Variants in CPNE4 observed in about 807,000 individuals in gnomAD.
CPNE4 encodes the protein copine 4.
Under a neutral mutation model 67.9 loss-of-function variants are expected in CPNE4, and 25 were observed. That is an observed-to-expected ratio of 0.37 (90% CI 0.27 to 0.51). The LOEUF (loss-of-function observed/expected upper bound fraction) is 0.51, where lower values mean the gene tolerates loss of function less well. Among genes scored for constraint, CPNE4 ranks in the 20% least tolerant of loss-of-function variants. The probability of loss-of-function intolerance (pLI) is 0.93; values close to 1 mark genes in which losing one functional copy is unlikely to be tolerated. For missense variants in CPNE4, 464 were observed against 690.8 expected, an observed-to-expected ratio of 0.67 and a Z score of 3.68; for synonymous variants, 242 against 244.9, an observed-to-expected ratio of 0.99 and a Z score of 0.11.
upstream of CPNE4, among the ~76,000 whole-genome samples, chr3:132,039,160 T>C (rs140704439): frequency 1.6e-3 from 249 of 152,344 alleles, 1 homozygote; most frequent in South Asian, 0.017. Flanking sequence ...TATATAGCAC[T>C]GATCTAGCCA....
chr3:132,029,000 G>A (rs1290892225), intron 1 of CPNE4, among the ~76,000 whole-genome samples: 3 of 150,996 alleles, frequency 2.0e-5, no homozygotes, highest in Admixed American at 1.3e-4. Context: ...ATTTATCTAC[G>A]CACTAAAATG....
chr3:131,687,303 C>A (rs1258427986), intron 5 of CPNE4, among the ~76,000 whole-genome samples: 1 of 152,118 alleles, frequency 6.6e-6, no homozygotes, highest in Non-Finnish European at 1.5e-5. Context: ...AGAGGAGAAA[C>A]TTTATTTTCC....
At chr3:131,845,797 G>T (rs1279525778) in intron 2 of CPNE4, among the ~76,000 whole-genome samples, 1 of 152,152 alleles carries the variant, frequency 6.6e-6, no homozygotes, top group Admixed American at 6.5e-5. Context: ...TTATGTAGAG[G>T]TTGTTCCGCT....
chr3:132,031,532 T>C (rs1003721790), intron 1 of CPNE4, among the ~76,000 whole-genome samples: 4 of 152,206 alleles, frequency 2.6e-5, no homozygotes, highest in Non-Finnish European at 2.9e-5. Flanking sequence ...TCAGAGTACC[T>C]GTCTCATTCT....
At chr3:131,659,273 T>C (rs1016016408) in intron 7 of CPNE4, among the ~76,000 whole-genome samples, 2 of 152,036 alleles carry the variant, frequency 1.3e-5, no homozygotes, top group African/African-American at 4.8e-5. Flanking sequence ...TTCTCAGAAT[T>C]TCTACTCAGA....
At chr3:132,008,556 C>G (rs986045180) in intron 1 of CPNE4, among the ~76,000 whole-genome samples, 1 of 152,044 alleles carries the variant, frequency 6.6e-6, no homozygotes, top group East Asian at 1.9e-4. Flanking sequence ...GCCAGAAGCC[C>G]CATGATGTTT....
At chr3:131,846,585 A>C (rs2086005990) in intron 2 of CPNE4, among the ~76,000 whole-genome samples, 1 of 152,354 alleles carries the variant, frequency 6.6e-6, no homozygotes, top group East Asian at 1.9e-4. Context: ...TGAACTGCTC[A>C]GGAAGTGGAT....
At chr3:131,549,852 T>C in intron 14 of CPNE4, 95 bp downstream of exon 14, 1 of 1,402,466 alleles carries the variant, frequency 7.1e-7, no homozygotes, top group Non-Finnish European at 9.9e-7. Context: ...GGGAGAAGTG[T>C]TGGAATTTAT....
At chr3:131,971,020 A>T (rs1034176240) in intron 1 of CPNE4, among the ~76,000 whole-genome samples, 2 of 152,220 alleles carry the variant, frequency 1.3e-5, no homozygotes, top group African/African-American at 4.8e-5. Context: ...CTGCTAGATG[A>T]TTCTTCTGTT....
chr3:131,871,241 G>A (rs2087187596), intron 2 of CPNE4, among the ~76,000 whole-genome samples: 1 of 152,158 alleles, frequency 6.6e-6, no homozygotes, highest in Admixed American at 6.5e-5. Context: ...ATCAACTGAA[G>A]ATGGAACAGG....
intron 3 of CPNE4, among the ~76,000 whole-genome samples, chr3:131,720,241 G>A (rs2081846172): frequency 6.6e-6 from 1 of 151,778 alleles, no homozygotes; most frequent in Non-Finnish European, 1.5e-5. Flanking sequence ...AGAAATGTTG[G>A]AGGACTGGAG....
At chr3:131,938,894 A>G (rs549867749) in intron 1 of CPNE4, among the ~76,000 whole-genome samples, 11 of 152,138 alleles carry the variant, frequency 7.2e-5, no homozygotes, top group Non-Finnish European at 1.3e-4. Flanking sequence ...GATGCTTACC[A>G]TCACAACTAC....
chr3:131,991,035 G>A lies in CPNE4; in HGVS notation c.-2+43532C>T, dbSNP rs1207149924. Among the ~76,000 whole-genome samples, 6 of 136,114 alleles carry A rather than the reference G, an allele frequency of 4.4e-5. 2 individuals carry two copies. The highest frequency in any genetic ancestry group is 1.0e-4 in the Non-Finnish European group (6 of 60,010). The allele number at this position is 136,114 out of a possible 152,430, so 89.3% of individuals were successfully genotyped here. On this transcript the variant is annotated intron_variant, in intron 1 of 15. Coordinates refer to ENST00000429747, the MANE Select transcript of CPNE4 (RefSeq NM_130808.3). Reference sequence around the variant, plus strand: ...CCACCGTGATTGTAAGTTTCCTGAGGCCTCCTTCCCCATGCCGAACTGTGA... The same window carrying A: ...CCACCGTGATTGTAAGTTTCCTGAGACCTCCTTCCCCATGCCGAACTGTGA...
At chr3:131,716,035 G>A (rs1480340514) in intron 3 of CPNE4, among the ~76,000 whole-genome samples, 2 of 152,132 alleles carry the variant, frequency 1.3e-5, no homozygotes, top group African/African-American at 4.8e-5. Flanking sequence ...TTTCCCTGAG[G>A]ACCTCAGCCT....
At chr3:131,985,159 C>A (rs1018593849) in intron 1 of CPNE4, among the ~76,000 whole-genome samples, 1 of 152,094 alleles carries the variant, frequency 6.6e-6, no homozygotes, top group Non-Finnish European at 1.5e-5. Context: ...GTTAGAGAGC[C>A]CTCTAAGTTG....
intron 1 of CPNE4, among the ~76,000 whole-genome samples, chr3:132,002,181 C>G (rs2073471115): frequency 6.6e-6 from 1 of 152,068 alleles, no homozygotes; most frequent in South Asian, 2.1e-4. Context: ...CCTTATGTGC[C>G]CCATTTATCA....
rs190330855 is a variant in CPNE4, at chr3:131,577,973, C to A, written c.868-2843G>T. 2.6e-5 allele frequency among the ~76,000 whole-genome samples: 4 copies of A among 151,914 alleles called. No homozygotes were observed. The South Asian group carries it at 6.3e-4, about 24-fold the overall frequency. On this transcript the variant is annotated intron_variant, in intron 9 of 15. Coordinates refer to ENST00000429747, the MANE Select transcript of CPNE4 (RefSeq NM_130808.3). ...ACAGTGGGGTTACATGCTAATAAGCCCTTCATAAGTTCAAAAAATTATAAG... is the reference window on the plus strand; with the variant it reads ...ACAGTGGGGTTACATGCTAATAAGCACTTCATAAGTTCAAAAAATTATAAG...
chr3:131,592,624 TATATACACACAC>T (rs1553734346), intron 7 of CPNE4, among the ~76,000 whole-genome samples: 1 of 149,260 alleles, frequency 6.7e-6, no homozygotes, highest in Non-Finnish European at 1.5e-5. Flanking sequence ...TATGTGTGTG[TATATACACACAC>T]ATATATATGT....
chr3:131,729,819 A>G (rs1218699296), intron 2 of CPNE4, among the ~76,000 whole-genome samples: 1 of 152,136 alleles, frequency 6.6e-6, no homozygotes, highest in Non-Finnish European at 1.5e-5. Flanking sequence ...TCCTAGGACT[A>G]AAAAAATGCC....
Sources: allele counts gnomAD v4.1 joint callset (sites outside exome capture counted in the v4.1 genomes callset), GRCh38; gene constraint gnomAD v4.1.1; transcripts MANE v1.5; gene names NCBI Gene and HGNC (gene_info 2026-07-23, HGNC 2026-07-21).